EHMT1: variants seen among roughly 807,000 people sequenced by gnomAD.
The protein encoded by EHMT1 is histone-lysine N-methyltransferase EHMT1.
A neutral mutation model predicts 147.2 loss-of-function variants in EHMT1; 15 were observed. That is an observed-to-expected ratio of 0.10 (90% CI 0.07 to 0.16). The LOEUF (loss-of-function observed/expected upper bound fraction) is 0.16. Ranked by LOEUF, EHMT1 falls within the 10% of genes least tolerant of loss-of-function variation. EHMT1 has a pLI of 1.00. For synonymous variants in EHMT1, 795 were observed against 709.6 expected (o/e 1.12, Z -1.91); for missense variants, 1,587 against 1,772.4 (o/e 0.90, Z 1.88).
chr9:137,754,209 G>A lies in EHMT1; in HGVS notation c.1287G>A (p.Arg429=). ...GCATTAAGAAGAAATTTCTCAAGAG[G>A]AAAGGAAAGACCGACAGTCCCTGGA... ...ESSIKKKFLK[R]KGKTDSPWIK... The change falls in exon 8 of 27, where the codon AGG becomes AGA. Residue 429 remains arginine (R), a synonymous_variant. Transcript: ENST00000460843. The A allele has an allele frequency of 6.2e-7, 1 of 1,614,132 alleles. No homozygotes were observed. Among genetic ancestry groups the A allele is most frequent in the Non-Finnish European group, 8.5e-7 (1 of 1,180,018 alleles).
intron 1 of EHMT1, among the ~76,000 whole-genome samples, chr9:137,665,263 T>C (rs1939507844): frequency 6.6e-6 from 1 of 152,226 alleles, no homozygotes; most frequent in African/African-American, 2.4e-5. Flanking sequence ...TTGGTCTTGA[T>C]TGGAGAGCTG....
At chr9:137,756,356 G>A (rs1433835775) in intron 8 of EHMT1, among the ~76,000 whole-genome samples, 1 of 152,168 alleles carries the variant, frequency 6.6e-6, no homozygotes, top group East Asian at 1.9e-4. Flanking sequence ...TTATTTATTT[G>A]TTTATCCTTA....
intron 1 of EHMT1, among the ~76,000 whole-genome samples, chr9:137,648,309 A>G (rs1161805896): frequency 6.6e-6 from 1 of 152,146 alleles, no homozygotes; most frequent in East Asian, 1.9e-4. Flanking sequence ...TCAATGTTAA[A>G]ACACAGACAG....
intron 2 of EHMT1, among the ~76,000 whole-genome samples, chr9:137,714,222 A>T (rs951754293): frequency 7.9e-5 from 12 of 152,186 alleles, no homozygotes; most frequent in Non-Finnish European, 1.3e-4. Flanking sequence ...TTCTGATCTT[A>T]GGGAGAGAGC....
At chr9:137,812,921 G>T (rs1453704758) in intron 19 of EHMT1, 85 bp from the exon 20 acceptor site, 5 of 1,558,730 alleles carry the variant, frequency 3.2e-6, no homozygotes, top group Non-Finnish European at 4.4e-6. Context: ...TATTGTTAGT[G>T]ATGACGGACA....
At chr9:137,741,069 C>T (rs539638547) in intron 4 of EHMT1, among the ~76,000 whole-genome samples, 3 of 152,102 alleles carry the variant, frequency 2.0e-5, no homozygotes, top group East Asian at 3.9e-4. Context: ...CTCCGCCTCC[C>T]GGGTTCACGC....
intron 1 of EHMT1, among the ~76,000 whole-genome samples, chr9:137,635,507 G>A (rs1051047970): frequency 1.7e-4 from 26 of 151,394 alleles, no homozygotes; most frequent in Admixed American, 7.9e-4. Flanking sequence ...GAACCACTGC[G>A]CTCGGCCTTC....
intron 25 of EHMT1, among the ~76,000 whole-genome samples, chr9:137,827,920 C>T (rs760493575): frequency 5.3e-5 from 8 of 152,202 alleles, no homozygotes; most frequent in Admixed American, 2.0e-4. Context: ...AAGCCCTCAG[C>T]GGTGTCCGTT....
In EHMT1 at chr9:137,777,972, G is replaced by A. The variant is rs1426948116; in HGVS notation, c.2109G>A (p.Gly703=). The change falls in exon 13 of 27, where the codon GGG becomes GGA. Residue 703 remains glycine, a synonymous_variant. Coordinates refer to ENST00000460843, the MANE Select transcript of EHMT1 (RefSeq NM_024757.5). The part of the protein sequence containing the change: ...PEGFDPTGPA[G]LGRPTPGLSQ... ...GCTTTGATCCAACGGGACCTGCTGG[G>A]CTTGGGAGGCCAACTCCCGGCCTTT... 1.2e-6 allele frequency: 2 copies of A among 1,613,734 alleles called. No individual in the cohort carries two copies. The highest frequency in any genetic ancestry group is 1.3e-5 in the African/African-American group (1 of 74,904).
At chr9:137,686,133 A>G (rs537816500) in intron 1 of EHMT1, among the ~76,000 whole-genome samples, 26 of 152,196 alleles carry the variant, frequency 1.7e-4, no homozygotes, top group African/African-American at 5.8e-4. Context: ...CATGATTTGG[A>G]AGTATTTTCT....
At chr9:137,635,632 A>G (rs527811231) in intron 1 of EHMT1, among the ~76,000 whole-genome samples, 1 of 151,386 alleles carries the variant, frequency 6.6e-6, no homozygotes, top group African/African-American at 2.4e-5. Context: ...CATCCTGGCT[A>G]ACATGGTGAA....
chr9:137,791,945 C>T, intron 16 of EHMT1: 2 of 359,220 alleles, frequency 5.6e-6, no homozygotes, highest in Non-Finnish European at 1.2e-5. Context: ...GTTGGCCAAG[C>T]TGGTCTCGAA....
chr9:137,716,169 A>G (rs1334290607), intron 2 of EHMT1, among the ~76,000 whole-genome samples: 1 of 2,028 alleles, frequency 4.9e-4, no homozygotes, highest in Admixed American at 3.9e-3. Flanking sequence ...TGGTGGTGTC[A>G]TGGTGGGGGA....
chr9:137,701,246 T>G (rs145009188), intron 1 of EHMT1, among the ~76,000 whole-genome samples: 1,770 of 151,524 alleles, frequency 0.012, 37 homozygotes, highest in African/African-American at 0.039. Flanking sequence ...CCCTGATCCC[T>G]CCTAAATCTC....
intron 1 of EHMT1, among the ~76,000 whole-genome samples, chr9:137,679,137 G>C (rs1477110072): frequency 6.6e-6 from 1 of 152,108 alleles, no homozygotes; most frequent in African/African-American, 2.4e-5. Flanking sequence ...TTTTAATAGA[G>C]ACGGGGTTTC....
intron 3 of EHMT1, among the ~76,000 whole-genome samples, chr9:137,724,723 G>T (rs1414286719): frequency 6.6e-6 from 1 of 152,200 alleles, no homozygotes; most frequent in African/African-American, 2.4e-5. Flanking sequence ...TGACATAAAG[G>T]GGGACCGACT....
chr9:137,729,607 T>A (rs916069773), intron 4 of EHMT1, among the ~76,000 whole-genome samples: 16 of 152,104 alleles, frequency 1.1e-4, no homozygotes, highest in Non-Finnish European at 2.1e-4. Flanking sequence ...AAATTTTTTT[T>A]AATTTAAGTA....
chr9:137,813,280 C>A lies in EHMT1; in HGVS notation c.3036-106C>A, dbSNP rs747622461. On this transcript the variant is annotated intron_variant, in intron 20 of 26. Transcript: ENST00000460843. This position sits in a 1 kb window ranked among gnomAD's most constrained non-coding sequence, Gnocchi z 4.9. ...AGCCGAAACATCCCCAGGCTGCAGT[C>A]CAAATTGTCAGGGCCAGGTGTTTGC... The A allele has an allele frequency of 6.7e-5, 104 of 1,556,914 alleles. No individual in the cohort carries two copies. The highest frequency in any genetic ancestry group is 8.9e-5 in the Non-Finnish European group (103 of 1,156,974).
rs1956502397 is a variant in EHMT1, at chr9:137,834,986, A to G, written c.*33A>G. 6 of 1,378,476 alleles carry G rather than the reference A, an allele frequency of 4.4e-6. No individual in the cohort carries two copies. In the East Asian group the frequency reaches 1.8e-4, roughly 41 times the overall value. The allele number at this position is 1,378,476 out of a possible 1,614,324, so 85.4% of individuals were successfully genotyped here. On this transcript the variant is annotated 3_prime_UTR_variant, in exon 27 of 27. Transcript: ENST00000460843. Reference sequence around the variant, plus strand: ...CCGGCCAGCGGGGCGCTCGGGAGCCAGGGACCGCCGCGTCGCCGATTAGAG... The same window carrying G: ...CCGGCCAGCGGGGCGCTCGGGAGCCGGGGACCGCCGCGTCGCCGATTAGAG...
Sources: allele counts gnomAD v4.1 joint callset (sites outside exome capture counted in the v4.1 genomes callset), GRCh38; gene constraint gnomAD v4.1.1; non-coding constraint Gnocchi (gnomAD v3.1); transcripts MANE v1.5; gene names NCBI Gene and HGNC (gene_info 2026-07-23, HGNC 2026-07-21).